Variants in CCDC141 observed in about 807,000 individuals in gnomAD.
CCDC141 encodes the protein coiled-coil domain containing 141.
A neutral mutation model predicts 181.0 loss-of-function variants in CCDC141; 168 were observed. The ratio of observed to expected loss-of-function variants is 0.93; its 90% confidence interval spans 0.82 to 1.05. The LOEUF (loss-of-function observed/expected upper bound fraction) is 1.05, where lower values mean the gene tolerates loss of function less well. CCDC141 is among the 50% of genes least tolerant of loss of function. The probability of loss-of-function intolerance (pLI) is 0.00; values close to 1 mark genes in which losing one functional copy is unlikely to be tolerated. For missense variants in CCDC141, 1,902 were observed against 1,788.5 expected, an observed-to-expected ratio of 1.06 and a Z score of -1.14; for synonymous variants, 666 against 642.3, an observed-to-expected ratio of 1.04 and a Z score of -0.56.
At chr2:178,827,401 T>G (rs1684142481), downstream of CCDC141, among the ~76,000 whole-genome samples, 2 of 152,168 alleles carry the variant, frequency 1.3e-5, no homozygotes, top group Admixed American at 1.3e-4. Context: ...ATTTCCTAAT[T>G]TTTGACTGTT....
chr2:178,898,803 T>C (rs1436244016), intron 8 of CCDC141, among the ~76,000 whole-genome samples: 3 of 152,144 alleles, frequency 2.0e-5, no homozygotes, highest in Non-Finnish European at 4.4e-5. Context: ...TGAGGTCCTA[T>C]TTTTTGACTA....
chr2:178,815,788 T>C, the CCDC141 span, among the ~76,000 whole-genome samples: 2 of 152,216 alleles, frequency 1.3e-5, no homozygotes, highest in African/African-American at 4.8e-5. Context: ...TTTGTATTTT[T>C]TTTATTTTGG....
chr2:178,899,246 A>G (rs372228917), intron 8 of CCDC141, among the ~76,000 whole-genome samples: 3 of 152,202 alleles, frequency 2.0e-5, no homozygotes, highest in African/African-American at 7.2e-5. Flanking sequence ...AGGCTATACC[A>G]TGTCTAAGTA....
intron 2 of CCDC141, among the ~76,000 whole-genome samples, chr2:178,987,403 C>T (rs1449701945): frequency 6.6e-6 from 1 of 152,124 alleles, no homozygotes; most frequent in African/African-American, 2.4e-5. Context: ...AGGACATAGG[C>T]ATGTGCAAGG....
At position 178,850,101 on chromosome 2, in the gene CCDC141, T is replaced by G. The variant is rs1367594201; in HGVS notation, c.3305A>C (p.Glu1102Ala). 6 of 1,611,688 alleles carry G rather than the reference T, an allele frequency of 3.7e-6. No individual in the cohort carries two copies. Among genetic ancestry groups the G allele is most frequent in the Non-Finnish European group, 5.1e-6 (6 of 1,178,704 alleles). ...GGACTCACATAATTCAGTCACAGATTCAAGAACCTCTTTGTGTTTTGTCAC... is the reference window on the plus strand; with the variant it reads ...GGACTCACATAATTCAGTCACAGATGCAAGAACCTCTTTGTGTTTTGTCAC... ...KIVTKHKEVL[E>A]SVTELCESLT... is the part of the protein sequence containing the mutation. Residue 1102 changes from glutamate to alanine, a missense_variant, in exon 21 of 24, where the codon GAA becomes GCA. Glu to Ala is a moderately radical substitution (Grantham distance 107). Transcript: ENST00000443758.
Position 179,005,680 on chromosome 2 carries a change from G to A in CCDC141, c.226-27005C>T, listed in dbSNP as rs372837296. ...GACAGAGTCTCACTCTGTCGCCCAGGCTGGAGTGCAGTGGTGCGATCTCAG... is the reference window on the plus strand; with the variant it reads ...GACAGAGTCTCACTCTGTCGCCCAGACTGGAGTGCAGTGGTGCGATCTCAG... On this transcript the variant is annotated intron_variant, in intron 2 of 23. Transcript: ENST00000443758. 4.0e-4 allele frequency among the ~76,000 whole-genome samples: 61 copies of A among 152,092 alleles called. 1 individual carries two copies. In the South Asian group the frequency reaches 0.013, roughly 31 times the overall value.
chr2:178,994,543 G>A (rs1433485119), intron 2 of CCDC141, among the ~76,000 whole-genome samples: 2 of 152,120 alleles, frequency 1.3e-5, no homozygotes, highest in Admixed American at 1.3e-4. Flanking sequence ...TGATGGGAGG[G>A]GCTGCTGTGA....
intron 2 of CCDC141, among the ~76,000 whole-genome samples, chr2:179,001,013 T>C (rs1023983472): frequency 6.6e-6 from 1 of 152,158 alleles, no homozygotes; most frequent in South Asian, 2.1e-4. Context: ...GCCTGGGTGA[T>C]GCTCATTTGC....
intron 17 of CCDC141, among the ~76,000 whole-genome samples, chr2:178,860,654 A>G (rs532197912): frequency 2.2e-5 from 3 of 134,054 alleles, no homozygotes; most frequent in South Asian, 4.6e-4. Context: ...TGGCATCCCA[A>G]TTGTAGAATA....
chr2:178,947,072 G>A (rs1300947840), intron 5 of CCDC141, among the ~76,000 whole-genome samples: 1 of 152,142 alleles, frequency 6.6e-6, no homozygotes, highest in Non-Finnish European at 1.5e-5. Context: ...TGTATGCTGT[G>A]GGATGCACAC....
rs890111684 is a variant in CCDC141 at position 178,886,760 on chromosome 2, G to A, written c.1519C>T (p.Gln507Ter). ...ATTCTCATTTTATTTACCTTAGCTTGGATATCTAGTTCCAGATATTTATTC... is the reference window on the plus strand; with the variant it reads ...ATTCTCATTTTATTTACCTTAGCTTAGATATCTAGTTCCAGATATTTATTC... ...ILNKYLELDI[Q>*]AKETSHELEA... is the part of the protein sequence containing the mutation. The change falls in exon 10 of 24, where the codon CAA becomes TAA. Residue 507 changes from glutamine to a stop codon, truncating the protein, a stop_gained. Transcript: ENST00000443758. LOFTEE classifies it high-confidence loss of function. The A allele has an allele frequency of 2.0e-5, 28 of 1,430,602 alleles. No homozygotes were observed. Among genetic ancestry groups the A allele is most frequent in the African/African-American group, 3.0e-5 (2 of 67,766 alleles). 88.6% of individuals were successfully genotyped at this position (1,430,602 alleles called of 1,614,324 possible).
chr2:179,016,542 C>T (rs948328839), intron 2 of CCDC141, among the ~76,000 whole-genome samples: 3 of 152,012 alleles, frequency 2.0e-5, no homozygotes, highest in Non-Finnish European at 2.9e-5. Context: ...ACATAAGCTT[C>T]TAGAGTACAG....
In CCDC141 at chr2:178,944,324, G is replaced by A. The variant is rs184336020; in HGVS notation, c.897+211C>T. Among the ~76,000 whole-genome samples, 191 of 152,244 alleles carry A rather than the reference G, an allele frequency of 1.3e-3. 1 individual carries two copies. Among genetic ancestry groups the A allele is most frequent in the Admixed American group, 0.012 (176 of 15,290 alleles). Reference sequence around the variant, plus strand: ...AACTATTCAGAAAAATATAGTTATTGTTGTAGAAGCTGTTAATTTGTTTAT... The same window carrying A: ...AACTATTCAGAAAAATATAGTTATTATTGTAGAAGCTGTTAATTTGTTTAT... On this transcript the variant is annotated intron_variant, in intron 6 of 23. Transcript: ENST00000443758.
In CCDC141 at chr2:178,837,684, G is replaced by A; in HGVS notation, c.3535C>T (p.Gln1179Ter). ...INGTGEERLP[Q>*]DLKVSTDKEG... ...TTGTCAGTGGACACCTTCAGGTCTT[G>A]TGGTAGTCGCTCTTCCCCTGTTCCA... Residue 1179 changes from glutamine to a stop codon, truncating the protein, a stop_gained, in exon 23 of 24, where the codon CAA becomes TAA. Transcript: ENST00000443758. LOFTEE classifies it high-confidence loss of function. The A allele has an allele frequency of 6.2e-7, 1 of 1,613,982 alleles. No individual in the cohort carries two copies. The highest frequency in any genetic ancestry group is 8.5e-7 in the Non-Finnish European group (1 of 1,179,914).
intron 21 of CCDC141, among the ~76,000 whole-genome samples, chr2:178,848,737 G>T (rs1685041789): frequency 6.6e-6 from 1 of 152,124 alleles, no homozygotes; most frequent in South Asian, 2.1e-4. Context: ...TTCGGCCTTC[G>T]TATTGGAAGT....
At chr2:178,817,448 G>A in the CCDC141 span, 10 of 466,942 alleles carry the variant, frequency 2.1e-5, no homozygotes, top group East Asian at 6.3e-4. Flanking sequence ...CTCTTTTTCT[G>A]TGGATAATAT....
Position 178,975,172 on chromosome 2 carries a change from T to C in CCDC141, c.418-7A>G. 3 of 1,343,674 alleles carry C rather than the reference T, an allele frequency of 2.2e-6. No individual in the cohort carries two copies. The highest frequency in any genetic ancestry group is 1.4e-5 in the South Asian group (1 of 71,362). The allele number at this position is 1,343,674 out of a possible 1,614,324, so 83.2% of individuals were successfully genotyped here. ...GGTCTATTTTAATAGCAAACTACAA[T>C]AGAAATACAGAGGAAAGACATTTGA... is the stretch of plus-strand genomic sequence containing the variant. On this transcript the variant is annotated splice_region_variant and splice_polypyrimidine_tract_variant and intron_variant, in intron 3 of 23. Coordinates refer to ENST00000443758, the MANE Select transcript of CCDC141 (RefSeq NM_173648.4).
chr2:178,954,374 C>T (rs961879618), intron 5 of CCDC141, among the ~76,000 whole-genome samples: 2 of 152,158 alleles, frequency 1.3e-5, no homozygotes, highest in African/African-American at 4.8e-5. Flanking sequence ...AACAAGAGTG[C>T]ATTTTTATAT....
At chr2:179,009,390 G>A (rs781170723) in intron 2 of CCDC141, among the ~76,000 whole-genome samples, 1 of 152,130 alleles carries the variant, frequency 6.6e-6, no homozygotes, top group South Asian at 2.1e-4. Flanking sequence ...ATTTGGGTAT[G>A]CTCTCTCAGA....
Sources: allele counts gnomAD v4.1 joint callset (sites outside exome capture counted in the v4.1 genomes callset), GRCh38; gene constraint gnomAD v4.1.1; transcripts MANE v1.5; gene names NCBI Gene and HGNC (gene_info 2026-07-23, HGNC 2026-07-21).